FGFR4: variants seen among roughly 807,000 people sequenced by gnomAD.
FGFR4 encodes the protein hydroxyaryl-protein kinase.
FGFR4 carries 63 observed loss-of-function variants against 89.9 expected under a neutral mutation model. The ratio of observed to expected loss-of-function variants is 0.70; its 90% CI spans 0.57 to 0.86. FGFR4 has a LOEUF of 0.86. Ranked by LOEUF, FGFR4 falls within the 40% of genes least tolerant of loss-of-function variation. The probability of loss-of-function intolerance (pLI) is 0.00; values close to 1 mark genes in which losing one functional copy is unlikely to be tolerated. For synonymous variants in FGFR4, 486 were observed against 479.4 expected (o/e 1.01, Z -0.18); for missense variants, 928 against 1,106.7 (o/e 0.84, Z 2.29).
In FGFR4 at chr5:177,092,771, C is replaced by T; in HGVS notation, c.1044C>T (p.Leu348=). 1 of 1,614,244 alleles carries T rather than the reference C, an allele frequency of 6.2e-7. No individual in the cohort carries two copies. The change falls in exon 8 of 18, where the codon CTC becomes CTT. Residue 348 remains leucine (L), a synonymous_variant. Transcript: ENST00000292408. ...SIGLSYQSAW[L]TVLPEEDPTW... ...GCCTCTCCTACCAGTCTGCCTGGCT[C>T]ACGGTGCTGCCAGGTGAGCACCTGA...
In FGFR4 at chr5:177,091,825, G is replaced by C. The variant is rs200360247; in HGVS notation, c.727+17G>C. On this transcript the variant is annotated intron_variant, in intron 6 of 17. Coordinates refer to ENST00000292408, the MANE Select transcript of FGFR4 (RefSeq NM_213647.3). ...ATGTGCTGGGTGAGCGCGGGGCTGG[G>C]AACAGGGGAGGCCTGACCCATTTTG... 7 of 1,613,808 alleles carry C rather than the reference G, an allele frequency of 4.3e-6. No homozygotes were observed. The highest frequency in any genetic ancestry group is 5.9e-6 in the Non-Finnish European group (7 of 1,179,818).
Position 177,097,349 on chromosome 5 carries a change from G to A in FGFR4, c.2211G>A (p.Lys737=). The A allele has an allele frequency of 1.2e-6, 2 of 1,612,208 alleles. No homozygotes were observed. Among genetic ancestry groups the A allele is most frequent in the Non-Finnish European group, 1.7e-6 (2 of 1,179,456 alleles). ...CGCCCTCCCAGAGGCCTACCTTCAA[G>A]CAGCTGGTGGAGGCGCTGGACAAGG... ...HAAPSQRPTF[K]QLVEALDKVL... The change falls in exon 17 of 18, where the codon AAG becomes AAA. Residue 737 remains lysine (K), a synonymous_variant. Transcript: ENST00000292408.
In FGFR4 at chr5:177,096,544, G is replaced by C. The variant is rs539945567; in HGVS notation, c.2016-60G>C. On this transcript the variant is annotated intron_variant, in intron 15 of 17. Transcript: ENST00000292408. ...GTGGGTCATGTCTGTGGGGTCCCCC[G>C]TCCTAGCCCCGGTCGTCGGGAGGGC... is the stretch of plus-strand genomic sequence containing the variant. 3.1e-6 allele frequency: 5 copies of C among 1,598,456 alleles called. No homozygotes were observed. The African/African-American group carries it at 4.0e-5, about 13-fold the overall frequency.
At chr5:177,089,367 G>C (rs373701308) in intron 1 of FGFR4, among the ~76,000 whole-genome samples, 183 bp from the exon 2 acceptor site, 23 of 152,284 alleles carry the variant, frequency 1.5e-4, no homozygotes, top group South Asian at 1.0e-3. Context: ...ACAACCTACC[G>C]TGGGGAGGCC....
chr5:177,091,425 T>C (rs396007), intron 5 of FGFR4, among the ~76,000 whole-genome samples: 120,569 of 152,200 alleles, frequency 0.79, 48,011 homozygotes, highest in East Asian at 1. Context: ...GGCAACTGAG[T>C]CTCAGAGAAG....
rs200835456 is a variant in FGFR4 at position 177,093,568 on chromosome 5, G to C, written c.1397+17G>C. The C allele has an allele frequency of 3.8e-5, 62 of 1,612,548 alleles. No homozygotes were observed. The highest frequency in any genetic ancestry group is 4.9e-5 in the Non-Finnish European group (58 of 1,178,976). ...CCGGGACAGGTGCGCTGAGCTGTGT[G>C]GGGGCAGGGACGCGGGCGCCGGGTT... is the stretch of plus-strand genomic sequence containing the variant. On this transcript the variant is annotated intron_variant, in intron 10 of 17. Coordinates refer to ENST00000292408, the MANE Select transcript of FGFR4 (RefSeq NM_213647.3). This position sits in a 1 kb window ranked among gnomAD's most constrained non-coding sequence, Gnocchi z 5.8.
chr5:177,092,726 C>T lies in FGFR4; in HGVS notation c.999C>T (p.Cys333=), dbSNP rs973311323. The change falls in exon 8 of 18, where the codon TGC becomes TGT. Residue 333 remains cysteine (C), a synonymous_variant. Coordinates refer to ENST00000292408, the MANE Select transcript of FGFR4 (RefSeq NM_213647.3). ...CCGAGGACGCAGGCGAGTACACCTGCCTCGCAGGCAATTCCATCGGCCTCT... is the reference window on the plus strand; with the variant it reads ...CCGAGGACGCAGGCGAGTACACCTGTCTCGCAGGCAATTCCATCGGCCTCT... ...VSAEDAGEYT[C]LAGNSIGLSY... 1 of 1,614,246 alleles carries T rather than the reference C, an allele frequency of 6.2e-7. No individual in the cohort carries two copies.
At chr5:177,091,928 A>AGGT in intron 6 of FGFR4, 120 bp downstream of exon 6, 1 of 1,350,802 alleles carries the variant, frequency 7.4e-7, no homozygotes, top group Non-Finnish European at 1.0e-6. Context: ...CTTGGTGAGC[A>AGGT]GGTGGGTCAG....
In FGFR4 at chr5:177,092,763, G is replaced by C. The variant is rs373341851; in HGVS notation, c.1036G>C (p.Ala346Pro). 1.9e-6 allele frequency: 3 copies of C among 1,614,232 alleles called. No individual in the cohort carries two copies. The highest frequency in any genetic ancestry group is 2.5e-6 in the Non-Finnish European group (3 of 1,180,042). The change falls in exon 8 of 18, where the codon GCC becomes CCC. Residue 346 changes from alanine (A) to proline (P), a missense_variant. Ala to Pro is a conservative substitution (Grantham distance 27, BLOSUM62 -1). Coordinates refer to ENST00000292408, the MANE Select transcript of FGFR4 (RefSeq NM_213647.3). Reference protein sequence around the residue: ...GNSIGLSYQSAWLTVLPEEDP... With the variant: ...GNSIGLSYQSPWLTVLPEEDP... Reference sequence around the variant, plus strand: ...TTCCATCGGCCTCTCCTACCAGTCTGCCTGGCTCACGGTGCTGCCAGGTGA... The same window carrying C: ...TTCCATCGGCCTCTCCTACCAGTCTCCCTGGCTCACGGTGCTGCCAGGTGA...
At chr5:177,092,882 G>C (rs766393954) in intron 8 of FGFR4, 98 bp downstream of exon 8, 5 of 1,576,910 alleles carry the variant, frequency 3.2e-6, no homozygotes, top group Admixed American at 1.8e-5. Context: ...TTGGCCTGTG[G>C]GGTCTGGCCT....
Position 177,092,723 on chromosome 5 carries a change from C to A in FGFR4, c.996C>A (p.Thr332=). The A allele has an allele frequency of 6.2e-7, 1 of 1,614,250 alleles. No individual in the cohort carries two copies. The highest frequency in any genetic ancestry group is 1.7e-5 in the Admixed American group (1 of 60,030). ...NVSAEDAGEY[T]CLAGNSIGLS... Reference sequence around the variant, plus strand: ...CAGCCGAGGACGCAGGCGAGTACACCTGCCTCGCAGGCAATTCCATCGGCC... The same window carrying A: ...CAGCCGAGGACGCAGGCGAGTACACATGCCTCGCAGGCAATTCCATCGGCC... The change falls in exon 8 of 18, where the codon ACC becomes ACA. Residue 332 remains threonine, a synonymous_variant. Transcript: ENST00000292408.
chr5:177,090,730 C>G lies in FGFR4; in HGVS notation c.356-15C>G. The stretch of plus-strand genomic sequence containing the variant: ...CCTCTTGGACCTTAGATGCTTCCCT[C>G]TGTCCCTGATGTAGACTCCTTGACC... On this transcript the variant is annotated splice_polypyrimidine_tract_variant and intron_variant, in intron 3 of 17. Coordinates refer to ENST00000292408, the MANE Select transcript of FGFR4 (RefSeq NM_213647.3). 1.9e-6 allele frequency: 3 copies of G among 1,586,706 alleles called. No homozygotes were observed. The highest frequency in any genetic ancestry group is 2.6e-6 in the Non-Finnish European group (3 of 1,164,026).
At chr5:177,090,158 T>C (rs780483500) in intron 2 of FGFR4, 2 of 660,860 alleles carry the variant, frequency 3.0e-6, no homozygotes, top group Admixed American at 4.4e-5. Flanking sequence ...GTGTGTGTCT[T>C]GGCCACTGTC....
rs371591154 is a variant in FGFR4, at chr5:177,097,296, G to T, written c.2158G>T (p.Gly720Trp). The change falls in exon 17 of 18, where the codon GGG becomes TGG. Residue 720 changes from glycine to tryptophan, a missense_variant. This residue lies in a region of FGFR4 where 129 missense variants were observed against 150.8 expected (regional missense o/e 0.86). Transcript: ENST00000292408. ...CCTCCGCCCCACCTCTCGCAGGTAC[G>T]GGCTGATGCGTGAGTGCTGGCACGC... The part of the protein sequence containing the change: ...RPPHCPPELY[G>W]LMRECWHAAP... The T allele has an allele frequency of 7.5e-6, 12 of 1,602,434 alleles. No individual in the cohort carries two copies. The highest frequency in any genetic ancestry group is 9.4e-6 in the Non-Finnish European group (11 of 1,175,494).
chr5:177,097,396 A>T lies in FGFR4; in HGVS notation c.2258A>T (p.Glu753Val), dbSNP rs1562078782. 1 of 1,611,002 alleles carries T rather than the reference A, an allele frequency of 6.2e-7. No individual in the cohort carries two copies. Among genetic ancestry groups the T allele is most frequent in the Non-Finnish European group, 8.5e-7 (1 of 1,178,690 alleles). ...AAGGTCCTGCTGGCCGTCTCTGAGG[A>T]GGTACAGCCCCTCCCACCCACCACC... ...LDKVLLAVSE[E>V]YLDLRLTFGP... The change falls in exon 17 of 18, where the codon GAG (glutamate) becomes GTG (valine). Residue 753 changes from glutamate to valine, a missense_variant and splice_region_variant. By Grantham distance (121) the Glu-to-Val change is moderately radical (BLOSUM62 -2). Transcript: ENST00000292408.
At chr5:177,096,480 GCCCAGACTCCAGGAGGAGCCCATTCC>G in intron 15 of FGFR4, 98 bp from the exon 16 acceptor site, 6 of 1,522,282 alleles carry the variant, frequency 3.9e-6, no homozygotes, top group Non-Finnish European at 5.4e-6. Context: ...ACCCGAGTGG[GCCCAGACTCCAGGAGGAGCCCATTCC>G]CCAACAGCTG....
intron 6 of FGFR4, 27 bp from the exon 7 acceptor site, chr5:177,092,294 G>T: frequency 6.5e-7 from 1 of 1,531,440 alleles, no homozygotes; most frequent in Admixed American, 2.0e-5. Flanking sequence ...CCGGTGGTCA[G>T]GGTTGACTGT....
chr5:177,091,236 A>G, intron 5 of FGFR4, 132 bp downstream of exon 5: 3 of 1,149,616 alleles, frequency 2.6e-6, no homozygotes, highest in Non-Finnish European at 3.6e-6. Flanking sequence ...GGAGCCCTGG[A>G]CTGTGGACCT....
chr5:177,090,238 A>C, intron 2 of FGFR4, 152 bp from the exon 3 acceptor site: 2 of 1,097,864 alleles, frequency 1.8e-6, no homozygotes, highest in Non-Finnish European at 2.7e-6. Context: ...TGGCATCCGC[A>C]GCATGTGGCT....
Sources: allele counts gnomAD v4.1 joint callset (sites outside exome capture counted in the v4.1 genomes callset), GRCh38; gene constraint gnomAD v4.1.1; regional missense constraint gnomAD v4.1.1; non-coding constraint Gnocchi (gnomAD v3.1); transcripts MANE v1.5; gene names NCBI Gene and HGNC (gene_info 2026-07-23, HGNC 2026-07-21).